Variants in EYS observed in about 807,000 individuals in gnomAD.
The protein encoded by EYS is EGF-like photoreceptor maintenance factor.
Under a neutral mutation model 282.1 loss-of-function variants are expected in EYS, and 250 were observed. The ratio of observed to expected loss-of-function variants is 0.89; its 90% CI spans 0.80 to 0.98. The LOEUF (loss-of-function observed/expected upper bound fraction) is 0.98. Ranked by LOEUF, EYS falls within the 50% of genes least tolerant of loss-of-function variation. EYS has a pLI of 0.00. For synonymous variants in EYS, 1,355 were observed against 1,282.9 expected (o/e 1.06, Z -1.20); for missense variants, 4,016 against 3,709.0 (o/e 1.08, Z -2.15).
At chr6:64,992,951 C>T (rs1365164670) in intron 14 of EYS, among the ~76,000 whole-genome samples, 1 of 152,000 alleles carries the variant, frequency 6.6e-6, no homozygotes, top group Non-Finnish European at 1.5e-5. Context: ...AGCTAAGCAT[C>T]ATGCCCTTGA....
At chr6:65,612,024 C>T (rs940511796) in intron 2 of EYS, among the ~76,000 whole-genome samples, 1 of 151,726 alleles carries the variant, frequency 6.6e-6, no homozygotes, top group Non-Finnish European at 1.5e-5. Flanking sequence ...ATGGCCCTAA[C>T]AATACTTATT....
At chr6:63,864,774 C>T (rs1772632000) in intron 35 of EYS, among the ~76,000 whole-genome samples, 1 of 152,178 alleles carries the variant, frequency 6.6e-6, no homozygotes, top group African/African-American at 2.4e-5. Flanking sequence ...TAAGCTTCCC[C>T]ACTCTGAGGA....
At chr6:64,323,539 C>T (rs1770296476) in intron 29 of EYS, among the ~76,000 whole-genome samples, 1 of 151,986 alleles carries the variant, frequency 6.6e-6, no homozygotes, top group Non-Finnish European at 1.5e-5. Flanking sequence ...ATGAGTCATC[C>T]AATAAATTTT....
Position 64,439,247 on chromosome 6 carries a change from T to C in EYS, c.5750A>G (p.Tyr1917Cys), listed in dbSNP as rs1366798271. ...TTGCTTGACATACAGCAGAAGTCCA[T>C]AGGAGCTGAAGGTCTGAAATTCTAG... ...ISLEFQTFSS[Y>C]GLLLYVKQDS... Residue 1917 changes from tyrosine (Y) to cysteine (C), a missense_variant, in exon 27 of 43, where the codon TAT becomes TGT. Tyr to Cys is a radical substitution (Grantham distance 194). Coordinates refer to ENST00000503581, the MANE Select transcript of EYS (RefSeq NM_001142800.2). 5.9e-6 allele frequency: 9 copies of C among 1,514,114 alleles called. No individual in the cohort carries two copies. Among genetic ancestry groups the C allele is most frequent in the African/African-American group, 1.4e-5 (1 of 70,614 alleles). 93.8% of individuals were successfully genotyped at this position (1,514,114 alleles called of 1,614,324 possible). A position where few individuals can be genotyped will look rare whatever the true frequency, so the allele number is the denominator to read the frequency against.
chr6:65,545,857 G>A (rs1032338457), intron 2 of EYS, among the ~76,000 whole-genome samples: 1 of 152,024 alleles, frequency 6.6e-6, no homozygotes, highest in Admixed American at 6.6e-5. Context: ...AATTATGCAA[G>A]ATTATACAAG....
Position 65,514,486 on chromosome 6 carries a change from A to T in EYS, c.-332-18493T>A, listed in dbSNP as rs1247737994. ...AAAAAGAGCTTGCATTGCCAAGTCA[A>T]TCCTAAGCCAAAAGAACAAAGCTGG... On this transcript the variant is annotated intron_variant, in intron 2 of 42. Transcript: ENST00000503581. Among the ~76,000 whole-genome samples the T allele has an allele frequency of 5.3e-5, 8 of 152,356 alleles. No individual in the cohort carries two copies. The Middle Eastern group carries it at 0.014, about 259-fold the overall frequency.
intron 18 of EYS, among the ~76,000 whole-genome samples, chr6:64,890,747 A>G (rs1006628298): frequency 1.3e-5 from 2 of 152,166 alleles, no homozygotes; most frequent in South Asian, 2.1e-4. Flanking sequence ...CACAGTAAAT[A>G]AACATACATG....
At chr6:64,814,294 A>G (rs1467808067) in intron 21 of EYS, among the ~76,000 whole-genome samples, 1 of 152,066 alleles carries the variant, frequency 6.6e-6, no homozygotes, top group African/African-American at 2.4e-5. Flanking sequence ...TACTTATTCA[A>G]CAAATGGTAT....
At chr6:65,071,206 A>G (rs1773892800) in intron 12 of EYS, among the ~76,000 whole-genome samples, 1 of 151,874 alleles carries the variant, frequency 6.6e-6, no homozygotes, top group African/African-American at 2.4e-5. Context: ...AGAAAAATGT[A>G]GAATTTAGAA....
At chr6:65,222,130 T>G (rs2150260059) in intron 12 of EYS, among the ~76,000 whole-genome samples, 1 of 152,286 alleles carries the variant, frequency 6.6e-6, no homozygotes, top group Admixed American at 6.5e-5. Context: ...GGACTTGGAC[T>G]TTTGGGTTAA....
intron 12 of EYS, among the ~76,000 whole-genome samples, chr6:65,131,728 A>G (rs1265650268): frequency 1.3e-4 from 20 of 151,802 alleles, no homozygotes. Flanking sequence ...CAAAATCAGA[A>G]CTGAACTGAA....
rs12175015 is a variant in EYS, at chr6:64,242,392, C to T, written c.6192-11568G>A. On this transcript the variant is annotated intron_variant, in intron 30 of 42. Coordinates refer to ENST00000503581, the MANE Select transcript of EYS (RefSeq NM_001142800.2). ...GCATTTAAACCAAATCAGAAAGTATCAGAAATGGGATTTTTCTTTCTTCCC... is the reference window on the plus strand; with the variant it reads ...GCATTTAAACCAAATCAGAAAGTATTAGAAATGGGATTTTTCTTTCTTCCC... Among the ~76,000 whole-genome samples the T allele has an allele frequency of 1.2e-4, 18 of 152,104 alleles. No homozygotes were observed. In the East Asian group the frequency reaches 3.1e-3, roughly 26 times the overall value.
chr6:64,932,337 C>G (rs965043999), intron 15 of EYS, among the ~76,000 whole-genome samples: 3 of 152,024 alleles, frequency 2.0e-5, no homozygotes, highest in Non-Finnish European at 4.4e-5. Context: ...ACTCCATTCT[C>G]AGGGACTGAC....
intron 33 of EYS, among the ~76,000 whole-genome samples, chr6:64,047,434 T>G (rs959371027): frequency 6.6e-6 from 1 of 152,128 alleles, no homozygotes; most frequent in Non-Finnish European, 1.5e-5. Context: ...AGGCTCAAAT[T>G]TTCAAGTGGA....
chr6:63,928,524 CTGTGTGTGTGTG>C (rs6149619), intron 35 of EYS, among the ~76,000 whole-genome samples: 2 of 149,398 alleles, frequency 1.3e-5, no homozygotes, highest in Non-Finnish European at 3.0e-5. Context: ...CACCTTTTGA[CTGTGTGTGTGTG>C]TGTGTGTGTG....
At chr6:63,919,414 T>C (rs1366852654) in intron 35 of EYS, among the ~76,000 whole-genome samples, 1 of 124,936 alleles carries the variant, frequency 8.0e-6, no homozygotes, top group African/African-American at 3.2e-5. Flanking sequence ...AAAAAAAAAA[T>C]CCCAACCCAC....
At chr6:65,086,942 C>T (rs1774396628) in intron 12 of EYS, among the ~76,000 whole-genome samples, 1 of 151,938 alleles carries the variant, frequency 6.6e-6, no homozygotes, top group Non-Finnish European at 1.5e-5. Flanking sequence ...CCTGCCTCAG[C>T]CCCCTGAGTA....
intron 35 of EYS, among the ~76,000 whole-genome samples, chr6:63,950,546 C>T (rs1367384576): frequency 3.3e-5 from 5 of 152,164 alleles, no homozygotes; most frequent in African/African-American, 9.7e-5. Flanking sequence ...AGCTTTATTG[C>T]TCACACAAAG....
chr6:65,028,481 T>A (rs1170507098), intron 13 of EYS, among the ~76,000 whole-genome samples: 1 of 152,020 alleles, frequency 6.6e-6, no homozygotes, highest in African/African-American at 2.4e-5. Flanking sequence ...ACCAATACTA[T>A]TGACTATAGT....
Sources: gnomAD v4.1 joint callset for allele counts (sites outside exome capture counted in the v4.1 genomes callset) on GRCh38, gnomAD v4.1.1 for gene constraint, MANE v1.5 for transcripts, NCBI Gene and HGNC (gene_info 2026-07-23, HGNC 2026-07-21) for gene names.